The following ADAM18 variants were observed in gnomAD, a reference collection of about 807,000 sequenced individuals.
ADAM18 encodes disintegrin and metalloproteinase domain-containing protein 18.
In ADAM18, 117 loss-of-function variants were observed where a neutral mutation model predicts 94.4. The observed-to-expected ratio is 1.24, with a 90% CI of 1.07 to 1.45. The LOEUF is 1.45. Among genes scored for constraint, ADAM18 ranks in the 40% most tolerant of loss-of-function variants. ADAM18 has a pLI of 0.00. For missense variants in ADAM18, 936 were observed against 880.0 expected, an observed-to-expected ratio of 1.06 and a Z score of -0.81; for synonymous variants, 327 against 291.6, an observed-to-expected ratio of 1.12 and a Z score of -1.24.
In ADAM18 at chr8:39,638,449, A is replaced by T; in HGVS notation, c.828-16A>T. On this transcript the variant is annotated splice_polypyrimidine_tract_variant and intron_variant, in intron 9 of 19. Coordinates refer to ENST00000265707, the MANE Select transcript of ADAM18 (RefSeq NM_014237.3). ...GTTTTGCATAACTACGTTAATAAAA[A>T]ATTATAATAATGTAGTTACAGGAAA... The T allele has an allele frequency of 1.3e-6, 2 of 1,503,820 alleles. No homozygotes were observed. Among genetic ancestry groups the T allele is most frequent in the Non-Finnish European group, 1.8e-6 (2 of 1,108,582 alleles). 93.2% of individuals were successfully genotyped at this position (1,503,820 alleles called of 1,614,324 possible). A position where few individuals can be genotyped will look rare whatever the true frequency, so the allele number is the denominator to read the frequency against.
At chr8:39,600,715 A>T (rs899509790) in intron 2 of ADAM18, among the ~76,000 whole-genome samples, 2 of 152,208 alleles carry the variant, frequency 1.3e-5, no homozygotes, top group Non-Finnish European at 2.9e-5. Flanking sequence ...TGAGCTGCCC[A>T]TGAGGAACTG....
chr8:39,598,786 CA>C lies in ADAM18; in HGVS notation c.133-7513del, dbSNP rs545757842. ...CCGTCTCAAAAAAAAAAAAAAACAA[CA>C]AAAAAAAGAAAAGGGTGTTGGATTT... On this transcript the variant is annotated intron_variant, in intron 2 of 19. Coordinates refer to ENST00000265707, the MANE Select transcript of ADAM18 (RefSeq NM_014237.3). Among the ~76,000 whole-genome samples the C allele has an allele frequency of 5.4e-5, 8 of 148,402 alleles. No individual in the cohort carries two copies. The South Asian group carries it at 6.4e-4, about 12-fold the overall frequency.
chr8:39,630,407 A>C (rs902184371), intron 7 of ADAM18, among the ~76,000 whole-genome samples: 14 of 151,412 alleles, frequency 9.2e-5, no homozygotes, highest in African/African-American at 3.1e-4. Flanking sequence ...CTATATATAT[A>C]CTCACAAAGT....
chr8:39,702,794 C>T (rs117416250), intron 17 of ADAM18, among the ~76,000 whole-genome samples: 7 of 152,102 alleles, frequency 4.6e-5, no homozygotes, highest in East Asian at 1.9e-4. Context: ...AGATAGTTGT[C>T]GGTGTGTGAT....
At chr8:39,670,864 C>G (rs1821134169) in intron 14 of ADAM18, among the ~76,000 whole-genome samples, 1 of 152,246 alleles carries the variant, frequency 6.6e-6, no homozygotes, top group Non-Finnish European at 1.5e-5. Context: ...ACACACTTCT[C>G]AAGCCAGCAC....
chr8:39,676,612 ACGCCC>A lies in ADAM18; in HGVS notation c.1526-813_1526-809del, dbSNP rs1281824213. Among the ~76,000 whole-genome samples the A allele has an allele frequency of 4.6e-5, 7 of 151,492 alleles. No individual in the cohort carries two copies. The East Asian group carries it at 1.4e-3, about 30-fold the overall frequency. ...TCCTTGCTCTTCTTGGGCAGGGGCA[ACGCCC>A]CGCCCTGCTTCAGCTCGCCTTCCAT... is the stretch of plus-strand genomic sequence containing the variant. On this transcript the variant is annotated intron_variant, in intron 14 of 19. Transcript: ENST00000265707.
intron 7 of ADAM18, among the ~76,000 whole-genome samples, chr8:39,634,213 A>G (rs1299849603): frequency 1.3e-5 from 2 of 152,078 alleles, no homozygotes; most frequent in Admixed American, 1.3e-4. Context: ...AAGGGTGCAG[A>G]CTGTGAACCT....
chr8:39,674,564 AC>A (rs1821246581), intron 14 of ADAM18, among the ~76,000 whole-genome samples: 2 of 151,564 alleles, frequency 1.3e-5, no homozygotes, highest in South Asian at 4.2e-4. Context: ...ATGGGTCTTG[AC>A]TCTTTATCCA....
At chr8:39,621,885 G>C (rs1461909852) in intron 6 of ADAM18, among the ~76,000 whole-genome samples, 1 of 152,152 alleles carries the variant, frequency 6.6e-6, no homozygotes, top group African/African-American at 2.4e-5. Flanking sequence ...AGAACACATG[G>C]ACACATGTGG....
intron 12 of ADAM18, among the ~76,000 whole-genome samples, 170 bp from the exon 13 acceptor site, chr8:39,663,625 A>G (rs1293845371): frequency 1.9e-4 from 28 of 149,240 alleles, no homozygotes; most frequent in African/African-American, 4.7e-4. Context: ...AAAAAAAAAA[A>G]AAGAAGAAGA....
rs113171176 is a variant in ADAM18 at position 39,621,656 on chromosome 8, G to A, written c.523-7718G>A. Among the ~76,000 whole-genome samples the A allele has an allele frequency of 3.0e-3, 454 of 152,102 alleles. 2 individuals are homozygous for A. Among genetic ancestry groups the A allele is most frequent in the Admixed American group, 5.2e-3 (79 of 15,270 alleles). ...CTAACAAGAATATAAAGTCACAATA[G>A]TAATGACATGGAATCAACCTAAATG... On this transcript the variant is annotated intron_variant, in intron 6 of 19. Coordinates refer to ENST00000265707, the MANE Select transcript of ADAM18 (RefSeq NM_014237.3).
chr8:39,659,208 T>G (rs1351247864), intron 12 of ADAM18, among the ~76,000 whole-genome samples: 5 of 152,112 alleles, frequency 3.3e-5, no homozygotes, highest in Admixed American at 3.3e-4. Context: ...TCCCTTGCTA[T>G]TAGATTATGC....
intron 10 of ADAM18, 139 bp from the exon 11 acceptor site, chr8:39,645,199 G>T: frequency 2.9e-6 from 2 of 685,330 alleles, no homozygotes; most frequent in Non-Finnish European, 4.6e-6. Context: ...TAAATAAATG[G>T]CATACCAAAA....
intron 12 of ADAM18, among the ~76,000 whole-genome samples, chr8:39,651,386 C>A (rs1311238736): frequency 1.3e-5 from 2 of 152,122 alleles, no homozygotes; most frequent in African/African-American, 4.8e-5. Context: ...TGCCTTCCCA[C>A]GAGGCCATAT....
intron 6 of ADAM18, among the ~76,000 whole-genome samples, chr8:39,615,201 G>A (rs1446440310): frequency 4.6e-5 from 7 of 150,722 alleles, no homozygotes; most frequent in African/African-American, 1.7e-4. Flanking sequence ...CCACATGCTC[G>A]ACCATAATGC....
intron 14 of ADAM18, among the ~76,000 whole-genome samples, chr8:39,674,847 G>A (rs1563301683): frequency 6.6e-6 from 1 of 152,164 alleles, no homozygotes; most frequent in Non-Finnish European, 1.5e-5. Context: ...GCATTTGCTT[G>A]TCTGTAAAGG....
At chr8:39,602,845 C>T (rs1818947912) in intron 2 of ADAM18, among the ~76,000 whole-genome samples, 1 of 151,736 alleles carries the variant, frequency 6.6e-6, no homozygotes, top group Non-Finnish European at 1.5e-5. Context: ...ATGGATTATG[C>T]TTTTGCTATC....
intron 14 of ADAM18, among the ~76,000 whole-genome samples, chr8:39,673,923 T>C (rs1821226087): frequency 6.6e-6 from 1 of 152,224 alleles, no homozygotes; most frequent in Non-Finnish European, 1.5e-5. Context: ...TTCCATGTAG[T>C]TGTGCGGTTT....
chr8:39,661,024 A>G (rs1248577201), intron 12 of ADAM18, among the ~76,000 whole-genome samples: 1 of 152,024 alleles, frequency 6.6e-6, no homozygotes, highest in African/African-American at 2.4e-5. Context: ...AATTTATGGT[A>G]GATACCTGCT....
Sources: allele counts gnomAD v4.1 joint callset (sites outside exome capture counted in the v4.1 genomes callset), GRCh38; gene constraint gnomAD v4.1.1; transcripts MANE v1.5; gene names NCBI Gene and HGNC (gene_info 2026-07-23, HGNC 2026-07-21).